Variants in NTRK2 observed in about 807,000 individuals in gnomAD.
The protein encoded by NTRK2 is neurotrophic receptor tyrosine kinase 2, also known as BDNF/NT-3 growth factors receptor.
In NTRK2, 13 loss-of-function variants were observed where a neutral mutation model predicts 94.5. The observed-to-expected ratio is 0.14, with a 90% CI of 0.09 to 0.22. NTRK2 has a LOEUF of 0.22. NTRK2 is among the 10% of genes least tolerant of loss of function. NTRK2 has a pLI of 1.00. For missense variants in NTRK2, 639 were observed against 1,071.2 expected (o/e 0.60, Z 5.63); for synonymous variants, 372 against 407.4 (o/e 0.91, Z 1.05).
At chr9:84,800,352 T>G (rs950548299) in intron 12 of NTRK2, among the ~76,000 whole-genome samples, 1 of 152,130 alleles carries the variant, frequency 6.6e-6, no homozygotes. Flanking sequence ...TACAGGCACC[T>G]GCCATCACAC....
chr9:84,813,499 T>C, intron 12 of NTRK2: 1 of 1,065,344 alleles, frequency 9.4e-7, no homozygotes, highest in South Asian at 4.5e-5. Flanking sequence ...AAATTCACTT[T>C]TCTTTCTTCC....
At chr9:84,680,284 A>G (rs2059314426) in intron 2 of NTRK2, among the ~76,000 whole-genome samples, 1 of 152,220 alleles carries the variant, frequency 6.6e-6, no homozygotes, top group African/African-American at 2.4e-5. Context: ...ATACACATCT[A>G]AACACTCCCA....
chr9:84,768,971 T>C (rs567664512), intron 12 of NTRK2, among the ~76,000 whole-genome samples: 15 of 152,218 alleles, frequency 9.9e-5, no homozygotes, highest in Non-Finnish European at 2.1e-4. Flanking sequence ...CAATCAGATA[T>C]GGAAGATTTT....
At chr9:84,751,273 T>C (rs1252041570) in intron 11 of NTRK2, among the ~76,000 whole-genome samples, 1 of 152,186 alleles carries the variant, frequency 6.6e-6, no homozygotes, top group African/African-American at 2.4e-5. Flanking sequence ...CCCATTGTAT[T>C]CTTCACCAGC....
chr9:84,723,076 G>A (rs2062183210), intron 6 of NTRK2, among the ~76,000 whole-genome samples: 1 of 152,194 alleles, frequency 6.6e-6, no homozygotes. Context: ...GTGTCTGGTA[G>A]AGGGTTAGAT....
intron 14 of NTRK2, chr9:84,876,626 C>G: frequency 3.8e-6 from 4 of 1,058,696 alleles, no homozygotes; most frequent in Non-Finnish European, 4.6e-6. Context: ...ACATCAATAT[C>G]TTTACCCACA....
intron 11 of NTRK2, 133 bp from the exon 12 acceptor site, chr9:84,751,853 T>C: frequency 1.4e-6 from 1 of 739,234 alleles, no homozygotes; most frequent in South Asian, 1.5e-5. Context: ...CATAAGGCTG[T>C]TATAAGAACA....
intron 12 of NTRK2, among the ~76,000 whole-genome samples, chr9:84,768,738 A>G (rs543093404): frequency 2.6e-4 from 39 of 152,280 alleles, no homozygotes; most frequent in African/African-American, 9.1e-4. Context: ...AGAGCTCAGT[A>G]TGGAACTGGG....
At chr9:84,714,837 C>T (rs2061615099) in intron 6 of NTRK2, among the ~76,000 whole-genome samples, 1 of 152,164 alleles carries the variant, frequency 6.6e-6, no homozygotes, top group Non-Finnish European at 1.5e-5. Context: ...GGGGGTAAAA[C>T]TTTTTAGCTA....
chr9:85,004,062 A>AGAG (rs1736710792), intron 17 of NTRK2, among the ~76,000 whole-genome samples: 1 of 75,978 alleles, frequency 1.3e-5, no homozygotes, highest in Non-Finnish European at 3.1e-5. Context: ...AGAGAAAGAA[A>AGAG]GGAGAGAGAG....
At chr9:84,931,414 AAAAGAG>A (rs1044354232) in intron 14 of NTRK2, among the ~76,000 whole-genome samples, 5 of 149,610 alleles carry the variant, frequency 3.3e-5, no homozygotes, top group East Asian at 2.0e-4. Flanking sequence ...CTCAAAAAAA[AAAAGAG>A]AGAGAGAGAG....
At chr9:84,739,033 T>TTAAAA (rs1226600708) in intron 9 of NTRK2, among the ~76,000 whole-genome samples, 1 of 151,822 alleles carries the variant, frequency 6.6e-6, no homozygotes, top group African/African-American at 2.4e-5. Context: ...CTATTTTTAA[T>TTAAAA]TAAATTAAAT....
chr9:84,946,338 C>T (rs547041666), intron 15 of NTRK2, among the ~76,000 whole-genome samples: 13 of 152,208 alleles, frequency 8.5e-5, no homozygotes, highest in Non-Finnish European at 1.5e-4. Flanking sequence ...GTTTAGTTCT[C>T]GTGGCCTTCA....
chr9:84,713,979 G>T lies in NTRK2; in HGVS notation c.583+3188G>T, dbSNP rs547501044. Among the ~76,000 whole-genome samples the T allele has an allele frequency of 6.6e-5, 10 of 151,074 alleles. No individual in the cohort carries two copies. The East Asian group carries it at 1.2e-3, about 18-fold the overall frequency. Reference sequence around the variant, plus strand: ...TCTGGAAAATTTTTCTTATTGATTTGCTCTATGTATTCTTTCCATTTATTC... The same window carrying T: ...TCTGGAAAATTTTTCTTATTGATTTTCTCTATGTATTCTTTCCATTTATTC... On this transcript the variant is annotated intron_variant, in intron 6 of 18. Transcript: ENST00000277120.
In NTRK2 at chr9:84,858,685, G is replaced by A. The variant is rs150388692; in HGVS notation, c.1397-2355G>A. Among the ~76,000 whole-genome samples the A allele has an allele frequency of 5.2e-3, 783 of 151,850 alleles. 9 individuals are homozygous for A. Among genetic ancestry groups the A allele is most frequent in the Admixed American group, 0.018 (281 of 15,246 alleles). Reference sequence around the variant, plus strand: ...CTTCTTGGATGGCTCATCCTCCACCGAGAGCTTCTCAAGTGCCGCTTTGCA... The same window carrying A: ...CTTCTTGGATGGCTCATCCTCCACCAAGAGCTTCTCAAGTGCCGCTTTGCA... On this transcript the variant is annotated intron_variant, in intron 12 of 18. Transcript: ENST00000277120.
At chr9:84,893,450 C>T (rs2076654640) in intron 14 of NTRK2, among the ~76,000 whole-genome samples, 1 of 152,152 alleles carries the variant, frequency 6.6e-6, no homozygotes, top group Non-Finnish European at 1.5e-5. Flanking sequence ...TCTGACTGCC[C>T]AGAAATTTTG....
intron 2 of NTRK2, among the ~76,000 whole-genome samples, chr9:84,699,716 C>T (rs1294622646): frequency 1.3e-5 from 2 of 150,676 alleles, no homozygotes; most frequent in African/African-American, 2.4e-5. Flanking sequence ...TTCCGGGCTC[C>T]GTTGATATCT....
intron 8 of NTRK2, 131 bp downstream of exon 8, chr9:84,724,487 A>G (rs913201878): frequency 1.3e-5 from 13 of 981,732 alleles, no homozygotes; most frequent in Admixed American, 5.1e-5. Flanking sequence ...TGCATACTCT[A>G]TTAAGAAACA....
In NTRK2 at chr9:84,716,833, T is replaced by C. The variant is rs145540394; in HGVS notation, c.583+6042T>C. On this transcript the variant is annotated intron_variant, in intron 6 of 18. Transcript: ENST00000277120. The stretch of plus-strand genomic sequence containing the variant: ...TGTAGTACCTGTCACTATTGTGACA[T>C]GGCTCACATGTGTTTAGAAGTGCAG... Among the ~76,000 whole-genome samples the C allele has an allele frequency of 4.3e-3, 662 of 152,364 alleles. 5 individuals are homozygous for C. The highest frequency in any genetic ancestry group is 0.015 in the African/African-American group (620 of 41,594).
Sources: gnomAD v4.1 joint callset for allele counts (sites outside exome capture counted in the v4.1 genomes callset) on GRCh38, gnomAD v4.1.1 for gene constraint, MANE v1.5 for transcripts, NCBI Gene and HGNC (gene_info 2026-07-23, HGNC 2026-07-21) for gene names.